FOXRED2: variants seen among roughly 807,000 people sequenced by gnomAD.
The protein encoded by FOXRED2 is FAD-dependent oxidoreductase domain-containing protein 2.
In FOXRED2, 32 loss-of-function variants were observed where a neutral mutation model predicts 52.5. The observed-to-expected ratio is 0.61, with a 90% CI of 0.46 to 0.82. The LOEUF is 0.82. Among genes scored for constraint, FOXRED2 ranks in the 40% least tolerant of loss-of-function variants. The probability of loss-of-function intolerance (pLI) is 0.00; values close to 1 mark genes in which losing one functional copy is unlikely to be tolerated. For missense variants in FOXRED2, 848 were observed against 937.5 expected, an observed-to-expected ratio of 0.90 and a Z score of 1.25; for synonymous variants, 405 against 398.1, an observed-to-expected ratio of 1.02 and a Z score of -0.21.
intron 7 of FOXRED2, among the ~76,000 whole-genome samples, chr22:36,495,325 G>C (rs1325359591): frequency 6.6e-6 from 1 of 152,084 alleles, no homozygotes; most frequent in Non-Finnish European, 1.5e-5. Flanking sequence ...CACGACTTCT[G>C]CCTTTGGGAA....
In FOXRED2 at chr22:36,490,115, G is replaced by A. The variant is rs567459414; in HGVS notation, c.1948C>T (p.Arg650Cys). Residue 650 changes from arginine (R) to cysteine (C), a missense_variant, in exon 9 of 9, where the codon CGC (arginine) becomes TGC (cysteine). Coordinates refer to ENST00000397224, the MANE Select transcript of FOXRED2 (RefSeq NM_001102371.2). The stretch of plus-strand genomic sequence containing the variant: ...AGCTGCTGGCTGCTGTCCTCCAGGC[G>A]CCTGCCTGTGGGGGCATAGTCCCGC... ...LLRDYAPTGR[R>C]LEDSSQQLGD... The A allele has an allele frequency of 4.0e-5, 65 of 1,613,918 alleles. No homozygotes were observed. The highest frequency in any genetic ancestry group is 4.0e-4 in the Admixed American group (24 of 59,998).
chr22:36,491,648 GC>G (rs1933759594), intron 8 of FOXRED2, among the ~76,000 whole-genome samples: 1 of 152,054 alleles, frequency 6.6e-6, no homozygotes, highest in Admixed American at 6.6e-5. Context: ...CAAGCTATCT[GC>G]CTTTCTCGGC....
chr22:36,495,630 C>T (rs1025819450), intron 7 of FOXRED2, among the ~76,000 whole-genome samples: 8 of 152,172 alleles, frequency 5.3e-5, no homozygotes, highest in African/African-American at 1.9e-4. Flanking sequence ...CTGTGTTAAC[C>T]AGCTCCAGTT....
Position 36,501,326 on chromosome 22 carries a change from C to T in FOXRED2, c.1131G>A (p.Arg377=), listed in dbSNP as rs761453439. The T allele has an allele frequency of 3.7e-6, 6 of 1,614,034 alleles. No homozygotes were observed. In the African/African-American group the frequency reaches 5.3e-5, roughly 14 times the overall value. Residue 377 remains arginine, a synonymous_variant, in exon 5 of 9, where the codon CGG becomes CGA. Coordinates refer to ENST00000397224, the MANE Select transcript of FOXRED2 (RefSeq NM_001102371.2). ...TGGCAGTACCCAGGATAAACAGACC[C>T]CGGCTTCCTTTGGATTCGTAGCTAG... ...IRASYESKGS[R]GLFILGTASH...
intron 5 of FOXRED2, among the ~76,000 whole-genome samples, chr22:36,499,190 G>T (rs1409178444): frequency 6.6e-6 from 1 of 151,944 alleles, no homozygotes; most frequent in African/African-American, 2.4e-5. Context: ...CAAAATGCTG[G>T]GATTATAGGC....
chr22:36,497,860 G>A (rs1488145014), intron 6 of FOXRED2, 131 bp downstream of exon 6: 25 of 989,074 alleles, frequency 2.5e-5, no homozygotes, highest in Non-Finnish European at 3.5e-5. Context: ...CCCAGAACAG[G>A]CATGTTCCCC....
At chr22:36,506,666 TC>T (rs1371587215) in intron 1 of FOXRED2, 4 of 440,860 alleles carry the variant, frequency 9.1e-6, no homozygotes, top group Non-Finnish European at 1.6e-5. Context: ...GGGCACCGGC[TC>T]CCCGCTTATG....
rs766586835 is a variant in FOXRED2, at chr22:36,496,147, T to C, written c.1444A>G (p.Thr482Ala). The C allele has an allele frequency of 3.7e-6, 6 of 1,614,024 alleles. No homozygotes were observed. The highest frequency in any genetic ancestry group is 1.3e-5 in the African/African-American group (1 of 74,916). The change falls in exon 7 of 9, where the codon ACA (threonine) becomes GCA (alanine). Residue 482 changes from threonine to alanine, a missense_variant. Coordinates refer to ENST00000397224, the MANE Select transcript of FOXRED2 (RefSeq NM_001102371.2). ...TGCTTTGCCTTCCTCCCTGTGAGTG[T>C]CTCCAGCTGGGCCAGCATCTGTATG... ...FPIQMLAQLE[T>A]LTGRKAKHGL...
At chr22:36,490,546 C>T (rs1487271517) in intron 8 of FOXRED2, among the ~76,000 whole-genome samples, 2 of 152,248 alleles carry the variant, frequency 1.3e-5, no homozygotes, top group Non-Finnish European at 1.5e-5. Flanking sequence ...AATGCCTCAG[C>T]TCCCAGACAT....
At position 36,498,010 on chromosome 22, in the gene FOXRED2, C is replaced by G. The variant is rs771457194; in HGVS notation, c.1363G>C (p.Asp455His). Residue 455 changes from aspartate to histidine, a missense_variant, in exon 6 of 9, where the codon GAT becomes CAT. Asp to His is a moderately conservative substitution (Grantham distance 81). Coordinates refer to ENST00000397224, the MANE Select transcript of FOXRED2 (RefSeq NM_001102371.2). ...GLYQMFGVLADVILLKENSTA... is the reference protein window; with the variant it reads ...GLYQMFGVLAHVILLKENSTA... ...ACTCACTCCTTCAACAGGATGACATCGGCCAGCACACCGAACATCTGGTAG... is the reference window on the plus strand; with the variant it reads ...ACTCACTCCTTCAACAGGATGACATGGGCCAGCACACCGAACATCTGGTAG... 1 of 1,613,908 alleles carries G rather than the reference C, an allele frequency of 6.2e-7. No homozygotes were observed. The highest frequency in any genetic ancestry group is 1.1e-5 in the South Asian group (1 of 91,068).
intron 2 of FOXRED2, among the ~76,000 whole-genome samples, chr22:36,505,280 G>T (rs1187023752): frequency 6.6e-6 from 1 of 152,246 alleles, no homozygotes; most frequent in African/African-American, 2.4e-5. Context: ...CTTTACAGGT[G>T]AGGAGGCACA....
chr22:36,504,841 C>G (rs1028607274), intron 2 of FOXRED2, 75 bp from the exon 3 acceptor site: 1 of 1,488,564 alleles, frequency 6.7e-7, no homozygotes, highest in South Asian at 1.2e-5. Flanking sequence ...ACTCCCTGGA[C>G]CCACCCACCC....
At chr22:36,491,269 G>A (rs1482857817) in intron 8 of FOXRED2, among the ~76,000 whole-genome samples, 2 of 152,370 alleles carry the variant, frequency 1.3e-5, no homozygotes, top group African/African-American at 4.8e-5. Context: ...TCGTGGGAAT[G>A]AGAATGAAGG....
chr22:36,504,870 G>A lies in FOXRED2; in HGVS notation c.528-104C>T, dbSNP rs190438910. ...CCCACCCACCTGCCTGGCTCCAACC[G>A]CCGGCCCCTAAAAGAAAATAGGACA... On this transcript the variant is annotated intron_variant, in intron 2 of 8. Transcript: ENST00000397224. The A allele has an allele frequency of 1.8e-4, 222 of 1,227,662 alleles. 1 individual carries two copies. In the African/African-American group the frequency reaches 3.0e-3, roughly 17 times the overall value. The allele number at this position is 1,227,662 out of a possible 1,614,324, so 76.0% of individuals were successfully genotyped here.
intron 4 of FOXRED2, among the ~76,000 whole-genome samples, chr22:36,503,521 G>C (rs1485290866): frequency 1.3e-5 from 2 of 151,858 alleles, no homozygotes; most frequent in Non-Finnish European, 2.9e-5. Flanking sequence ...ATGTTGGCCA[G>C]GCTGGTCTCG....
chr22:36,499,077 A>G (rs1028154920), intron 5 of FOXRED2, among the ~76,000 whole-genome samples: 1 of 151,934 alleles, frequency 6.6e-6, no homozygotes, highest in African/African-American at 2.4e-5. Flanking sequence ...AGGGATTACA[A>G]GCCTGGCTAA....
intron 5 of FOXRED2, among the ~76,000 whole-genome samples, chr22:36,500,582 C>CTT (rs1934016393): frequency 8.4e-6 from 1 of 118,942 alleles, no homozygotes; most frequent in Non-Finnish European, 1.8e-5. Flanking sequence ...AATCCAATTA[C>CTT]ATTTTTTTTT....
chr22:36,497,036 C>T (rs1330158506), intron 6 of FOXRED2, among the ~76,000 whole-genome samples: 1 of 152,136 alleles, frequency 6.6e-6, no homozygotes, highest in African/African-American at 2.4e-5. Context: ...CAAAATTAGC[C>T]AGGTGTGGTG....
intron 6 of FOXRED2, among the ~76,000 whole-genome samples, chr22:36,497,054 C>T (rs1233453760): frequency 1.3e-5 from 2 of 152,134 alleles, no homozygotes; most frequent in Admixed American, 1.3e-4. Context: ...GTGGCATGGG[C>T]CTGTAATCCC....
Sources: gnomAD v4.1 joint callset for allele counts (sites outside exome capture counted in the v4.1 genomes callset) on GRCh38, gnomAD v4.1.1 for gene constraint, MANE v1.5 for transcripts, NCBI Gene and HGNC (gene_info 2026-07-23, HGNC 2026-07-21) for gene names.